PLAAT5: variants seen among roughly 807,000 people sequenced by gnomAD.
PLAAT5 encodes Ca(2+)-independent N-acyltransferase.
Under a neutral mutation model 27.8 loss-of-function variants are expected in PLAAT5, and 27 were observed. That is an observed-to-expected ratio of 0.97 (90% CI 0.72 to 1.34). The LOEUF (loss-of-function observed/expected upper bound fraction) is 1.34, where lower values mean the gene tolerates loss of function less well. Ranked by LOEUF, PLAAT5 falls within the 40% of genes most tolerant of loss-of-function variation. The pLI, the probability that PLAAT5 is intolerant of heterozygous loss-of-function variation, is 0.00. For missense variants in PLAAT5, 368 were observed against 343.8 expected, an observed-to-expected ratio of 1.07 and a Z score of -0.56; for synonymous variants, 125 against 136.1, an observed-to-expected ratio of 0.92 and a Z score of 0.57.
chr11:63,471,827 G>A (rs940064961), intron 3 of PLAAT5, among the ~76,000 whole-genome samples: 1 of 152,092 alleles, frequency 6.6e-6, no homozygotes, highest in African/African-American at 2.4e-5. Flanking sequence ...ACATTAATAG[G>A]CTGGATAAAG....
In PLAAT5 at chr11:63,466,276, C is replaced by T; in HGVS notation, c.551G>A (p.Trp184Ter). The T allele has an allele frequency of 1.2e-6, 2 of 1,614,178 alleles. No individual in the cohort carries two copies. The highest frequency in any genetic ancestry group is 1.7e-6 in the Non-Finnish European group (2 of 1,180,038). The stretch of plus-strand genomic sequence containing the variant: ...CCCATCTAGCTTGTTATTGACCTTC[C>T]AGGAGCAGCCATGCAGCACATCCTC... ...RLEDVLHGCS[W>*]KVNNKLDGTY... The change falls in exon 5 of 6, where the codon TGG (tryptophan) becomes TAG (stop). Residue 184 changes from tryptophan (W) to a stop codon, truncating the protein, a stop_gained. Transcript: ENST00000540857. LOFTEE classifies it high-confidence loss of function.
At chr11:63,475,063 A>G (rs2120269698) in intron 3 of PLAAT5, among the ~76,000 whole-genome samples, 1 of 152,216 alleles carries the variant, frequency 6.6e-6, no homozygotes, top group South Asian at 2.1e-4. Context: ...GACTTGCTTT[A>G]TGGCCTAGAA....
chr11:63,480,069 G>A (rs2016248258), intron 3 of PLAAT5, among the ~76,000 whole-genome samples: 1 of 152,132 alleles, frequency 6.6e-6, no homozygotes, highest in Non-Finnish European at 1.5e-5. Context: ...TCTCAGAGTC[G>A]GCCAAGCCAG....
At chr11:63,486,419 G>A (rs2016435525) in intron 3 of PLAAT5, among the ~76,000 whole-genome samples, 1 of 151,656 alleles carries the variant, frequency 6.6e-6, no homozygotes, top group Non-Finnish European at 1.5e-5. Context: ...AAGAAAATGT[G>A]GTATATATAT....
intron 3 of PLAAT5, among the ~76,000 whole-genome samples, chr11:63,473,695 AT>A (rs1237572271): frequency 1.4e-5 from 2 of 139,018 alleles, no homozygotes; most frequent in South Asian, 2.3e-4. Context: ...TTAACATGAT[AT>A]TTTTTTGTTG....
chr11:63,465,211 G>A (rs868015419), intron 5 of PLAAT5, among the ~76,000 whole-genome samples: 10 of 151,828 alleles, frequency 6.6e-5, no homozygotes, highest in African/African-American at 1.7e-4. Flanking sequence ...CCCAGGAGGC[G>A]GAGGTTGCAG....
rs543237622 is a variant in PLAAT5 at position 63,486,612 on chromosome 11, G to C, written c.345+2259C>G. Among the ~76,000 whole-genome samples, 36 of 152,174 alleles carry C rather than the reference G, an allele frequency of 2.4e-4. 1 individual carries two copies. Among genetic ancestry groups the C allele is most frequent in the Admixed American group, 2.0e-3 (31 of 15,288 alleles). On this transcript the variant is annotated intron_variant, in intron 3 of 5. Coordinates refer to ENST00000540857, the MANE Select transcript of PLAAT5 (RefSeq NM_001146729.2). Reference sequence around the variant, plus strand: ...ACTTATAAGTGGGGGCTAGCTATGAGGGCACAAAGGCATAAGAATGATGTA... The same window carrying C: ...ACTTATAAGTGGGGGCTAGCTATGACGGCACAAAGGCATAAGAATGATGTA...
chr11:63,476,410 TTC>T (rs2016152052), intron 3 of PLAAT5, among the ~76,000 whole-genome samples: 1 of 152,198 alleles, frequency 6.6e-6, no homozygotes, highest in Non-Finnish European at 1.5e-5. Context: ...TAGCCACAAA[TTC>T]TCTCATTCTC....
At chr11:63,481,871 A>G (rs990851514) in intron 3 of PLAAT5, among the ~76,000 whole-genome samples, 2 of 152,182 alleles carry the variant, frequency 1.3e-5, no homozygotes, top group Non-Finnish European at 2.9e-5. Context: ...ACACATGGAC[A>G]CAGGAAGGGG....
intron 3 of PLAAT5, among the ~76,000 whole-genome samples, chr11:63,473,735 G>A (rs1334835635): frequency 6.8e-6 from 1 of 146,904 alleles, no homozygotes; most frequent in African/African-American, 2.5e-5. Context: ...TTTTTTGAGA[G>A]GAAGTCTAAC....
intron 3 of PLAAT5, among the ~76,000 whole-genome samples, chr11:63,473,215 G>C (rs994554922): frequency 6.6e-6 from 1 of 152,154 alleles, no homozygotes; most frequent in East Asian, 1.9e-4. Flanking sequence ...ATTTTTTACA[G>C]ATTAAAGGTT....
At chr11:63,481,999 A>G (rs562286455) in intron 3 of PLAAT5, among the ~76,000 whole-genome samples, 1 of 152,246 alleles carries the variant, frequency 6.6e-6, no homozygotes, top group Non-Finnish European at 1.5e-5. Flanking sequence ...TGGCACATGT[A>G]TACATATGTA....
intron 4 of PLAAT5, among the ~76,000 whole-genome samples, chr11:63,467,637 T>C (rs1190522481): frequency 6.6e-6 from 1 of 152,144 alleles, no homozygotes; most frequent in Non-Finnish European, 1.5e-5. Context: ...AGGGTCTACC[T>C]ACCCCTTCCT....
chr11:63,491,012 T>A lies in PLAAT5; in HGVS notation c.23A>T (p.Glu8Val). The change falls in exon 1 of 6, where the codon GAG becomes GTG. Residue 8 changes from glutamate to valine, a missense_variant. Physicochemically the swap from Glu to Val is moderately radical, Grantham distance 121 (BLOSUM62 -2). Transcript: ENST00000540857. MGLSPGAEGEYALRLPRI... is the reference protein window; with the variant it reads MGLSPGAVGEYALRLPRI... ...AGGGAGGCGGAGCGCGTACTCCCCC[T>A]CGGCGCCCGGGCTCAGGCCCATCCC... 2 of 1,514,100 alleles carry A rather than the reference T, an allele frequency of 1.3e-6. No homozygotes were observed. The highest frequency in any genetic ancestry group is 1.3e-5 in the South Asian group (1 of 78,370). The allele number at this position is 1,514,100 out of a possible 1,614,324, so 93.8% of individuals were successfully genotyped here.
chr11:63,490,930 C>T lies in PLAAT5; in HGVS notation c.105G>A (p.Lys35=), dbSNP rs1282683494. ...PASRTASTGP[K]DQPPALRRSA... ...AACGTCTGAGCGCAGGCGGCTGGTC[C>T]TTGGGCCCGGTACTGGCGGTTCGCG... The change falls in exon 1 of 6, where the codon AAG becomes AAA. Residue 35 remains lysine, a synonymous_variant. Transcript: ENST00000540857. 6.2e-7 allele frequency: 1 copy of T among 1,603,080 alleles called. No homozygotes were observed. The highest frequency in any genetic ancestry group is 1.7e-5 in the Admixed American group (1 of 58,904).
intron 1 of PLAAT5, 25 bp downstream of exon 1, chr11:63,490,862 C>A: frequency 1.3e-6 from 2 of 1,588,556 alleles, no homozygotes; most frequent in Non-Finnish European, 1.7e-6. Flanking sequence ...GCGGATTGTC[C>A]TTCAGCCGCA....
intron 3 of PLAAT5, among the ~76,000 whole-genome samples, chr11:63,485,654 T>C (rs924666271): frequency 6.6e-6 from 1 of 152,132 alleles, no homozygotes; most frequent in African/African-American, 2.4e-5. Flanking sequence ...AAATCTAAGA[T>C]ATGAAACCAT....
chr11:63,489,122 A>C, intron 2 of PLAAT5, 146 bp from the exon 3 acceptor site: 1 of 511,110 alleles, frequency 2.0e-6, no homozygotes, highest in Admixed American at 3.6e-5. Context: ...CTGTGAACCC[A>C]TTAGCTTTCA....
chr11:63,483,785 ATATATATATATATATGTATAT>A (rs1220505316), intron 3 of PLAAT5, among the ~76,000 whole-genome samples: 2,591 of 88,558 alleles, frequency 0.029, 197 homozygotes, highest in African/African-American at 0.11. Context: ...CAAAAAAAAA[ATATATATATATATATGTATAT>A]ATATATATAT....
Sources: allele counts gnomAD v4.1 joint callset (sites outside exome capture counted in the v4.1 genomes callset), GRCh38; gene constraint gnomAD v4.1.1; transcripts MANE v1.5; gene names NCBI Gene and HGNC (gene_info 2026-07-23, HGNC 2026-07-21).